The following TBL1Y variants were observed in gnomAD, a reference collection of about 807,000 sequenced individuals.
TBL1Y encodes F-box-like/WD repeat-containing protein TBL1Y.
In TBL1Y, 15 loss-of-function variants were observed where a neutral mutation model predicts 12.0. The ratio of observed to expected loss-of-function variants is 1.25; its 90% CI spans 0.83 to 1.92. The LOEUF (loss-of-function observed/expected upper bound fraction) is 1.92. Among genes scored for constraint, TBL1Y ranks in the 40% most tolerant of loss-of-function variants. TBL1Y has a pLI of 0.00. For synonymous variants in TBL1Y, 53 were observed against 42.6 expected, an observed-to-expected ratio of 1.24 and a Z score of -0.95; for missense variants, 148 against 116.7, an observed-to-expected ratio of 1.27 and a Z score of -1.24.
intron 7 of TBL1Y, among the ~76,000 whole-genome samples, chrY:7,062,877 A>C: frequency 6.1e-5 from 2 of 32,715 alleles, no homozygotes; most frequent in African/African-American, 2.4e-4. Context: ...ACTTCACTGA[A>C]CCCCCTGCGG....
intron 3 of TBL1Y, among the ~76,000 whole-genome samples, chrY:6,988,665 CATAAATAA>C (rs201788457): frequency 7.0e-4 from 19 of 26,952 alleles, no homozygotes; most frequent in Admixed American, 2.7e-3. Flanking sequence ...GCCTCAAAAA[CATAAATAA>C]ATAAATAAAT....
intron 13 of TBL1Y, among the ~76,000 whole-genome samples, chrY:7,076,199 C>T: frequency 3.0e-5 from 1 of 33,311 alleles, no homozygotes; most frequent in Non-Finnish European, 7.4e-5. Context: ...ACAGTGCTGG[C>T]ATTGCAGGTG....
At chrY:7,081,806 G>A (rs2013101038) in intron 14 of TBL1Y, among the ~76,000 whole-genome samples, 2 of 32,546 alleles carry the variant, frequency 6.1e-5, no homozygotes, top group African/African-American at 2.4e-4. Flanking sequence ...AGCCATGAGG[G>A]ATCTGCCCTC....
chrY:6,993,387 AT>A (rs2012387762), intron 3 of TBL1Y, among the ~76,000 whole-genome samples: 1 of 31,001 alleles, frequency 3.2e-5, no homozygotes, highest in Non-Finnish European at 7.7e-5. Flanking sequence ...AAAAAAAAAA[AT>A]TTAACTTAAT....
intron 7 of TBL1Y, among the ~76,000 whole-genome samples, chrY:7,059,154 C>G: frequency 3.1e-5 from 1 of 32,392 alleles, no homozygotes; most frequent in East Asian, 8.1e-4. Context: ...TCCCAATACA[C>G]TAATGCTCGG....
intron 6 of TBL1Y, among the ~76,000 whole-genome samples, chrY:7,028,166 C>T (rs904779820): frequency 5.9e-5 from 2 of 34,015 alleles, no homozygotes; most frequent in African/African-American, 1.2e-4. Context: ...GAGCTTGTGG[C>T]CTGAGTCCTG....
intron 4 of TBL1Y, among the ~76,000 whole-genome samples, chrY:7,017,855 G>A: frequency 3.0e-5 from 1 of 33,561 alleles, no homozygotes; most frequent in Non-Finnish European, 7.3e-5. Context: ...TGGCTGGCTC[G>A]CATATGCCTA....
chrY:6,992,290 G>T, intron 3 of TBL1Y, among the ~76,000 whole-genome samples: 1 of 33,503 alleles, frequency 3.0e-5, no homozygotes, highest in South Asian at 7.0e-4. Context: ...GGTGGTTGCT[G>T]GCAGGCTTTG....
chrY:7,074,182 G>A (rs750907346), intron 12 of TBL1Y, among the ~76,000 whole-genome samples: 1 of 33,872 alleles, frequency 3.0e-5, no homozygotes, highest in South Asian at 6.6e-4. Flanking sequence ...ACCAGCATCT[G>A]TGGCTGATGG....
chrY:6,982,198 T>G, intron 3 of TBL1Y, among the ~76,000 whole-genome samples: 1 of 33,341 alleles, frequency 3.0e-5, no homozygotes, highest in Non-Finnish European at 7.4e-5. Context: ...CTCATGCCTG[T>G]AGTGTCAACA....
At chrY:6,976,441 C>A (rs2012241235) in intron 2 of TBL1Y, among the ~76,000 whole-genome samples, 1 of 33,547 alleles carries the variant, frequency 3.0e-5, no homozygotes, top group Non-Finnish European at 7.4e-5. Context: ...TCATAGCTGA[C>A]AAAAATGCCC....
Position 7,064,104 on chromosome Y carries a change from C to T in TBL1Y, c.412C>T (p.Arg138Ter). The change falls in exon 8 of 19, where the codon CGA becomes TGA. Residue 138 changes from arginine (R) to a stop codon, truncating the protein, a stop_gained. Coordinates refer to ENST00000383032, the MANE Select transcript of TBL1Y (RefSeq NM_033284.2). LOFTEE classifies it high-confidence loss of function. The part of the protein sequence containing the change: ...AISQQNPPKN[R>*]EATVNGEENG... ...TTCCCAGCAAAATCCTCCAAAGAAC[C>T]GAGAGGCCACAGTGAACGGGGAAGA... is the stretch of plus-strand genomic sequence containing the variant. 1 of 398,208 alleles carries T rather than the reference C, an allele frequency of 2.5e-6. No homozygotes were observed. The highest frequency in any genetic ancestry group is 3.5e-6 in the Non-Finnish European group (1 of 283,406).
At chrY:6,987,958 C>T in intron 3 of TBL1Y, among the ~76,000 whole-genome samples, 1 of 32,701 alleles carries the variant, frequency 3.1e-5, no homozygotes, top group Non-Finnish European at 7.4e-5. Context: ...CCAAGCAGTG[C>T]ATGTGTTGGG....
chrY:7,064,578 G>C (rs1045140658), intron 8 of TBL1Y, among the ~76,000 whole-genome samples: 8 of 33,740 alleles, frequency 2.4e-4, no homozygotes, highest in Non-Finnish European at 2.2e-4. Context: ...AGCTTATTTG[G>C]TCTTTGCAAA....
chrY:7,028,619 C>T, intron 6 of TBL1Y, among the ~76,000 whole-genome samples: 1 of 34,276 alleles, frequency 2.9e-5, no homozygotes, highest in South Asian at 6.5e-4. Context: ...AAAAAGGAAA[C>T]TAATTAGGCA....
chrY:7,082,920 A>G (rs2013108112), intron 14 of TBL1Y, among the ~76,000 whole-genome samples: 1 of 33,038 alleles, frequency 3.0e-5, no homozygotes, highest in Non-Finnish European at 7.5e-5. Context: ...TGTAAATTCC[A>G]TTTTTCTCTT....
intron 14 of TBL1Y, among the ~76,000 whole-genome samples, chrY:7,082,444 C>A (rs762760007): frequency 3.0e-5 from 1 of 33,422 alleles, no homozygotes; most frequent in South Asian, 6.8e-4. Context: ...CCATTAAACA[C>A]ATTTATTAGT....
At chrY:6,985,617 C>A in intron 3 of TBL1Y, among the ~76,000 whole-genome samples, 1 of 32,923 alleles carries the variant, frequency 3.0e-5, no homozygotes, top group Non-Finnish European at 7.5e-5. Context: ...ATCTGTGAAC[C>A]AGATTTGTAT....
At chrY:7,058,401 G>A (rs942393866) in intron 7 of TBL1Y, among the ~76,000 whole-genome samples, 4 of 33,130 alleles carry the variant, frequency 1.2e-4, no homozygotes, top group Non-Finnish European at 2.2e-4. Context: ...GATGGCTCTC[G>A]GGCTGACCCT....
Sources: gnomAD v4.1 joint callset for allele counts (sites outside exome capture counted in the v4.1 genomes callset) on GRCh38, gnomAD v4.1.1 for gene constraint, MANE v1.5 for transcripts, NCBI Gene and HGNC (gene_info 2026-07-23, HGNC 2026-07-21) for gene names.